Variants in ABTB3 observed in about 807,000 individuals in gnomAD.
The protein encoded by ABTB3 is ankyrin repeat- and BTB/POZ domain-containing protein 3.
At chr12:107,507,513 C>T in the ABTB3 span, among the ~76,000 whole-genome samples, 2 of 152,136 alleles carry the variant, frequency 1.3e-5, no homozygotes, top group Non-Finnish European at 2.9e-5. Flanking sequence ...TGAATCCTGA[C>T]TTCACGCAGG....
chr12:107,619,689 C>A, the ABTB3 span, among the ~76,000 whole-genome samples: 4 of 152,136 alleles, frequency 2.6e-5, no homozygotes, highest in Non-Finnish European at 2.9e-5. Context: ...ATATGCTACA[C>A]GATGATTACA....
At chr12:107,556,765 A>T in the ABTB3 span, among the ~76,000 whole-genome samples, 1 of 151,976 alleles carries the variant, frequency 6.6e-6, no homozygotes, top group Non-Finnish European at 1.5e-5. Flanking sequence ...AATCTCAGCA[A>T]TTTGGGAGGC....
At chr12:107,502,167 C>A in the ABTB3 span, among the ~76,000 whole-genome samples, 2 of 151,570 alleles carry the variant, frequency 1.3e-5, no homozygotes, top group African/African-American at 4.9e-5. Flanking sequence ...TGGGTTCAAG[C>A]GATTCTTGTG....
chr12:107,497,595 C>T, the ABTB3 span, among the ~76,000 whole-genome samples: 3 of 152,184 alleles, frequency 2.0e-5, no homozygotes, highest in African/African-American at 7.2e-5. Flanking sequence ...CCATTATCAT[C>T]ATCATCTATA....
At chr12:107,355,240 T>C in the ABTB3 span, among the ~76,000 whole-genome samples, 1 of 152,236 alleles carries the variant, frequency 6.6e-6, no homozygotes, top group African/African-American at 2.4e-5. Flanking sequence ...TCACCGTCTA[T>C]GAGCTGGAGC....
the ABTB3 span, among the ~76,000 whole-genome samples, chr12:107,654,071 T>G: frequency 6.6e-6 from 1 of 152,212 alleles, no homozygotes; most frequent in African/African-American, 2.4e-5. Flanking sequence ...TTATTTCACT[T>G]AGCATAATGT....
At chr12:107,412,672 C>T in the ABTB3 span, among the ~76,000 whole-genome samples, 1 of 152,172 alleles carries the variant, frequency 6.6e-6, no homozygotes, top group Non-Finnish European at 1.5e-5. Context: ...CTAGTGTACC[C>T]TGCCTAATTA....
the ABTB3 span, chr12:107,610,542 T>C: frequency 6.6e-6 from 4 of 602,138 alleles, no homozygotes; most frequent in Non-Finnish European, 1.1e-5. Context: ...AATACTGTGG[T>C]TCATCTTTAT....
At chr12:107,476,647 C>T in the ABTB3 span, among the ~76,000 whole-genome samples, 1 of 152,072 alleles carries the variant, frequency 6.6e-6, no homozygotes, top group South Asian at 2.1e-4. Context: ...TCAAGATAGG[C>T]TTTCAAGAGA....
At chr12:107,504,983 AT>A in the ABTB3 span, among the ~76,000 whole-genome samples, 1 of 152,226 alleles carries the variant, frequency 6.6e-6, no homozygotes, top group Non-Finnish European at 1.5e-5. Context: ...CCCAGGACTC[AT>A]TCATTAACTC....
At chr12:107,562,001 G>T in the ABTB3 span, among the ~76,000 whole-genome samples, 1 of 152,134 alleles carries the variant, frequency 6.6e-6, no homozygotes. Flanking sequence ...TTATCATAAA[G>T]CTTTTCGGAA....
chr12:107,568,903 C>G, the ABTB3 span, among the ~76,000 whole-genome samples: 1 of 152,186 alleles, frequency 6.6e-6, no homozygotes, highest in Non-Finnish European at 1.5e-5. Flanking sequence ...GTGCTTCTGA[C>G]TCAATGCACG....
the ABTB3 span, among the ~76,000 whole-genome samples, chr12:107,593,368 G>A: frequency 6.6e-6 from 1 of 152,180 alleles, no homozygotes; most frequent in Non-Finnish European, 1.5e-5. Flanking sequence ...TGTGGGACTT[G>A]TGTTACTAGG....
At chr12:107,476,958 G>A in the ABTB3 span, among the ~76,000 whole-genome samples, 1 of 152,124 alleles carries the variant, frequency 6.6e-6, no homozygotes. Flanking sequence ...TTGTTGAATT[G>A]TACTGAAGAA....
chr12:107,339,231 G>T, the ABTB3 span, among the ~76,000 whole-genome samples: 6 of 152,100 alleles, frequency 3.9e-5, no homozygotes, highest in Non-Finnish European at 8.8e-5. Context: ...GGCCCAGCCC[G>T]ATCAAGCTCT....
At chr12:107,430,422 C>G in the ABTB3 span, among the ~76,000 whole-genome samples, 1 of 152,182 alleles carries the variant, frequency 6.6e-6, no homozygotes, top group Non-Finnish European at 1.5e-5. Flanking sequence ...TTGTTTCAGT[C>G]TTACTCTTGA....
At chr12:107,360,345 G>A in the ABTB3 span, among the ~76,000 whole-genome samples, 1 of 152,186 alleles carries the variant, frequency 6.6e-6, no homozygotes, top group African/African-American at 2.4e-5. Flanking sequence ...TGGACCATCT[G>A]GGGGACAGCA....
chr12:107,331,077 C>G, the ABTB3 span, among the ~76,000 whole-genome samples: 1 of 152,198 alleles, frequency 6.6e-6, no homozygotes, highest in Non-Finnish European at 1.5e-5. Flanking sequence ...TTGTTCCTTC[C>G]TAATCCCAGC....
chr12:107,502,241 AT>A, the ABTB3 span, among the ~76,000 whole-genome samples: 2 of 150,700 alleles, frequency 1.3e-5, no homozygotes, highest in Non-Finnish European at 3.0e-5. Flanking sequence ...ATTTTTGTAT[AT>A]TTTTTTTAGT....
Sources: gnomAD v4.1 joint callset for allele counts (sites outside exome capture counted in the v4.1 genomes callset) on GRCh38, gnomAD v4.1.1 for gene constraint, MANE v1.5 for transcripts, NCBI Gene and HGNC (gene_info 2026-07-23, HGNC 2026-07-21) for gene names.